Variants in CCNB3 observed in about 807,000 individuals in gnomAD.
The protein encoded by CCNB3 is G2/mitotic-specific cyclin-B3.
CCNB3 carries 12 observed loss-of-function variants against 68.0 expected under a neutral mutation model. The ratio of observed to expected loss-of-function variants is 0.18; its 90% CI spans 0.11 to 0.29. The LOEUF (loss-of-function observed/expected upper bound fraction) is 0.29, where lower values mean the gene tolerates loss of function less well. Ranked by LOEUF, CCNB3 falls within the 10% of genes least tolerant of loss-of-function variation. The pLI, the probability that CCNB3 is intolerant of heterozygous loss-of-function variation, is 1.00. For missense variants in CCNB3, 904 were observed against 993.1 expected (o/e 0.91, Z 1.21); for synonymous variants, 354 against 388.9 (o/e 0.91, Z 1.06).
At chrX:50,333,866 C>G (rs782422868) in intron 8 of CCNB3, among the ~76,000 whole-genome samples, 3 of 111,331 alleles carry the variant, frequency 2.7e-5, no homozygotes, top group Non-Finnish European at 5.6e-5. Context: ...CAGTGCATGA[C>G]TGCCACCTTC....
Position 50,308,492 on chromosome X carries a change from GT to G in CCNB3, c.336-10del, listed in dbSNP as rs782259529. The G allele has an allele frequency of 5.7e-5, 63 of 1,109,480 alleles. No individual in the cohort carries two copies. The African/African-American group carries it at 1.0e-3, about 18-fold the overall frequency. 91.4% of individuals were successfully genotyped at this position (1,109,480 alleles called of 1,213,427 possible). On this transcript the variant is annotated splice_polypyrimidine_tract_variant and intron_variant, in intron 5 of 12. Coordinates refer to ENST00000376042, the MANE Select transcript of CCNB3 (RefSeq NM_033031.3). ...ACTACATTTTTCTTACCCAGACATT[GT>G]TTCCTTCACAGGCATAAGCTGGAAG...
chrX:50,332,564 G>A (rs1380352219), intron 8 of CCNB3, among the ~76,000 whole-genome samples: 3 of 111,464 alleles, frequency 2.7e-5, no homozygotes, highest in African/African-American at 6.5e-5. Flanking sequence ...CAGCTTCCGG[G>A]TGTGACTGGA....
In CCNB3 at chrX:50,311,386, A is replaced by G; in HGVS notation, c.3217A>G (p.Ile1073Val). 8.3e-7 allele frequency: 1 copy of G among 1,211,149 alleles called. No homozygotes were observed. The highest frequency in any genetic ancestry group is 3.0e-5 in the East Asian group (1 of 33,825). ...TPESITEKSS[I>V]ATMTSVGKSR... ...TGAATCCATAACAGAGAAGTCCAGC[A>G]TTGCAACCATGACCAGCGTGGGCAA... The change falls in exon 6 of 13, where the codon ATT becomes GTT. Residue 1073 changes from isoleucine (I) to valine (V), a missense_variant. Around this residue, in one of 2 missense-constraint regions of CCNB3, gnomAD observed 285 missense variants for 383.4 expected, o/e 0.74. Transcript: ENST00000376042.
chrX:50,211,604 C>T (rs1274122200), intron 1 of CCNB3, among the ~76,000 whole-genome samples: 1 of 111,405 alleles, frequency 9.0e-6, no homozygotes, highest in Non-Finnish European at 1.9e-5. Flanking sequence ...CGCTTGAGCC[C>T]AGGAGGTTGA....
At chrX:50,330,320 G>A (rs985759047) in intron 8 of CCNB3, among the ~76,000 whole-genome samples, 1 of 111,478 alleles carries the variant, frequency 9.0e-6, no homozygotes, top group African/African-American at 3.3e-5. Flanking sequence ...TTAGGTCAGG[G>A]GTCAATTTTT....
At chrX:50,223,115 G>A (rs1935697871) in intron 1 of CCNB3, among the ~76,000 whole-genome samples, 1 of 110,624 alleles carries the variant, frequency 9.0e-6, no homozygotes, top group African/African-American at 3.3e-5. Context: ...GCTCCATCAG[G>A]TCATTTATGT....
chrX:50,346,806 G>A lies in CCNB3; in HGVS notation c.3809G>A (p.Arg1270Lys), dbSNP rs61751434. 4,879 of 1,206,488 alleles carry A rather than the reference G, an allele frequency of 4.0e-3. 9 individuals are homozygous for A. The highest frequency in any genetic ancestry group is 4.2e-3 in the Non-Finnish European group (3,710 of 893,364). The change falls in exon 10 of 13, where the codon AGG (arginine) becomes AAG (lysine). Residue 1270 changes from arginine to lysine, a missense_variant and splice_region_variant. This residue lies in a region of CCNB3 where 285 missense variants were observed against 383.4 expected (regional missense o/e 0.74). Transcript: ENST00000376042. Reference sequence around the variant, plus strand: ...TACCATTTTCTGCGCAGATATGCTAGGGTAAGAGAGAAGAGACACATCTTC... The same window carrying A: ...TACCATTTTCTGCGCAGATATGCTAAGGTAAGAGAGAAGAGACACATCTTC... The part of the protein sequence containing the change: ...IAYHFLRRYA[R>K]CIHTNMKTLT...
intron 8 of CCNB3, among the ~76,000 whole-genome samples, chrX:50,327,775 A>G (rs1322682011): frequency 1.8e-5 from 2 of 112,213 alleles, no homozygotes; most frequent in African/African-American, 6.5e-5. Context: ...AGGCAGAAGA[A>G]AAAGTCCATT....
chrX:50,318,309 C>T (rs1236890820), intron 8 of CCNB3, among the ~76,000 whole-genome samples: 2 of 109,051 alleles, frequency 1.8e-5, no homozygotes, highest in African/African-American at 3.3e-5. Flanking sequence ...GTCTGGAGTT[C>T]GAGACTAGCC....
At chrX:50,321,894 A>G (rs1557216607) in intron 8 of CCNB3, among the ~76,000 whole-genome samples, 1 of 110,885 alleles carries the variant, frequency 9.0e-6, no homozygotes, top group Non-Finnish European at 1.9e-5. Context: ...TGTTGTGTCT[A>G]TTTACTTCCC....
In CCNB3 at chrX:50,309,047, A is replaced by T. The variant is rs1921245064; in HGVS notation, c.878A>T (p.Tyr293Phe). 2.5e-6 allele frequency: 3 copies of T among 1,209,451 alleles called. No individual in the cohort carries two copies. In the African/African-American group the frequency reaches 5.2e-5, roughly 21 times the overall value. The stretch of plus-strand genomic sequence containing the variant: ...TCTTTAAAGAAGAAATGTACCATTT[A>T]TGGGAAGATATGCCACTTTAGGAAG... ...LSSLKKKCTI[Y>F]GKICHFRKPP... Residue 293 changes from tyrosine to phenylalanine, a missense_variant, in exon 6 of 13, where the codon TAT (tyrosine) becomes TTT (phenylalanine). Physicochemically the swap from Tyr to Phe is conservative, Grantham distance 22 (BLOSUM62 3). Transcript: ENST00000376042.
At chrX:50,281,130 C>T (rs1936129105) in intron 1 of CCNB3, among the ~76,000 whole-genome samples, 2 of 110,960 alleles carry the variant, frequency 1.8e-5, no homozygotes, top group East Asian at 2.8e-4. Context: ...CCAATTATAC[C>T]AGAAACAACA....
chrX:50,204,380 A>G (rs1251270730), upstream of CCNB3: 1 of 109,703 alleles, frequency 9.1e-6, no homozygotes, highest in Non-Finnish European at 1.9e-5. Context: ...CATTATCTCA[A>G]TTCACGCACA....
intron 1 of CCNB3, among the ~76,000 whole-genome samples, chrX:50,226,017 TACAAAA>T (rs1935752867): frequency 1.1e-5 from 1 of 92,752 alleles, no homozygotes; most frequent in African/African-American, 3.9e-5. Context: ...ATAGAATATA[TACAAAA>T]ATATATATAT....
At chrX:50,305,099 A>T (rs1367009820) in intron 5 of CCNB3, among the ~76,000 whole-genome samples, 3 of 111,863 alleles carry the variant, frequency 2.7e-5, no homozygotes, top group African/African-American at 9.8e-5. Flanking sequence ...CAGTGTGGCG[A>T]TTCCTCAGGG....
intron 1 of CCNB3, among the ~76,000 whole-genome samples, chrX:50,279,882 G>C (rs1473526539): frequency 6.0e-5 from 5 of 83,312 alleles, no homozygotes; most frequent in Admixed American, 3.4e-4. Flanking sequence ...AATATATATA[G>C]TATATATAAA....
At chrX:50,223,393 C>T (rs1361755987) in intron 1 of CCNB3, among the ~76,000 whole-genome samples, 4 of 111,624 alleles carry the variant, frequency 3.6e-5, no homozygotes, top group Non-Finnish European at 7.5e-5. Flanking sequence ...TCCTCATCTT[C>T]GTGGATTTAT....
rs1935342741 is a variant in CCNB3, at chrX:50,205,570, G to A, written c.-113+620G>A. ...GTGCAGTGGCTGCGGCAGGAGGATG[G>A]CTTGAACTGGGAGGCAAAGGTTGCA... On this transcript the variant is annotated intron_variant, in intron 1 of 12. Coordinates refer to ENST00000376042, the MANE Select transcript of CCNB3 (RefSeq NM_033031.3). 1.8e-5 allele frequency among the ~76,000 whole-genome samples: 2 copies of A among 112,336 alleles called. 1 individual carries two copies. The highest frequency in any genetic ancestry group is 1.9e-4 in the Admixed American group (2 of 10,690).
chrX:50,220,943 A>G (rs1164964099), intron 1 of CCNB3, among the ~76,000 whole-genome samples: 16 of 111,214 alleles, frequency 1.4e-4, no homozygotes, highest in African/African-American at 4.9e-4. Flanking sequence ...TACTGCCTCA[A>G]TTTCAGGACT....
Sources: gnomAD v4.1 joint callset for allele counts (sites outside exome capture counted in the v4.1 genomes callset) on GRCh38, gnomAD v4.1.1 for gene constraint, gnomAD v4.1.1 regional missense constraint, MANE v1.5 for transcripts, NCBI Gene and HGNC (gene_info 2026-07-23, HGNC 2026-07-21) for gene names.